PACSIN2: variants seen among roughly 807,000 people sequenced by gnomAD.
The protein encoded by PACSIN2 is protein kinase C and casein kinase substrate in neurons protein 2.
PACSIN2 carries 25 observed loss-of-function variants against 63.8 expected under a neutral mutation model. The observed-to-expected ratio is 0.39, with a 90% CI of 0.29 to 0.55. PACSIN2 has a LOEUF of 0.55. Ranked by LOEUF, PACSIN2 falls within the 20% of genes least tolerant of loss-of-function variation. The probability of loss-of-function intolerance (pLI) is 0.62; values close to 1 mark genes in which losing one functional copy is unlikely to be tolerated. For synonymous variants in PACSIN2, 255 were observed against 256.2 expected, an observed-to-expected ratio of 1.00 and a Z score of 0.05; for missense variants, 518 against 646.9, an observed-to-expected ratio of 0.80 and a Z score of 2.16.
intron 1 of PACSIN2, among the ~76,000 whole-genome samples, chr22:42,952,515 C>T (rs560133223): frequency 1.3e-5 from 2 of 151,462 alleles, no homozygotes; most frequent in African/African-American, 2.4e-5. Flanking sequence ...CGCACCACCA[C>T]GCCTGGCTAA....
At chr22:42,992,505 T>C (rs1478247286) in intron 1 of PACSIN2, among the ~76,000 whole-genome samples, 1 of 152,176 alleles carries the variant, frequency 6.6e-6, no homozygotes, top group Non-Finnish European at 1.5e-5. Context: ...CCCAACACTT[T>C]AGAAGACTGA....
intron 1 of PACSIN2, among the ~76,000 whole-genome samples, chr22:43,004,710 A>T (rs994544502): frequency 6.6e-6 from 1 of 152,266 alleles, no homozygotes; most frequent in African/African-American, 2.4e-5. Context: ...TACATTAAGA[A>T]GATTTCATTT....
At chr22:42,912,383 GCA>G (rs1400959411) in intron 1 of PACSIN2, among the ~76,000 whole-genome samples, 2 of 152,184 alleles carry the variant, frequency 1.3e-5, no homozygotes, top group Non-Finnish European at 2.9e-5. Flanking sequence ...GGGTGCATGT[GCA>G]TAAAAGGCAG....
rs1437575377 is a variant in PACSIN2 at position 42,981,834 on chromosome 22, C to T, written c.-78+33187G>A. On this transcript the variant is annotated intron_variant, in intron 1 of 10. Coordinates refer to ENST00000263246, the MANE Select transcript of PACSIN2 (RefSeq NM_001184970.3). ...GTCCGGGAGGGAGGTGGGGGGTCAGCCCCCCGCCCGGCCAGCCGCCCCGTC... is the reference window on the plus strand; with the variant it reads ...GTCCGGGAGGGAGGTGGGGGGTCAGTCCCCCGCCCGGCCAGCCGCCCCGTC... 8.1e-5 allele frequency among the ~76,000 whole-genome samples: 10 copies of T among 124,212 alleles called. No individual in the cohort carries two copies. The South Asian group carries it at 1.1e-3, about 14-fold the overall frequency. The allele number at this position is 124,212 out of a possible 152,430, so 81.5% of individuals were successfully genotyped here. A position where few individuals can be genotyped will look rare whatever the true frequency, so the allele number is the denominator to read the frequency against.
At chr22:42,892,214 G>A (rs1171783175) in intron 3 of PACSIN2, among the ~76,000 whole-genome samples, 5 of 152,156 alleles carry the variant, frequency 3.3e-5, no homozygotes. Flanking sequence ...GAGGGAGGGA[G>A]AGCCACAACG....
At chr22:42,906,019 C>T (rs2146707472) in intron 2 of PACSIN2, among the ~76,000 whole-genome samples, 1 of 152,340 alleles carries the variant, frequency 6.6e-6, no homozygotes, top group East Asian at 1.9e-4. Context: ...GCAACACCAG[C>T]CAAGCAACAC....
chr22:42,920,540 C>T (rs75676970), intron 1 of PACSIN2, among the ~76,000 whole-genome samples: 1,607 of 152,252 alleles, frequency 0.011, 29 homozygotes, highest in African/African-American at 0.036. Flanking sequence ...GCAAACATAC[C>T]TCCTTCTCCT....
At chr22:42,973,546 T>C (rs1282662017) in intron 1 of PACSIN2, among the ~76,000 whole-genome samples, 6 of 152,264 alleles carry the variant, frequency 3.9e-5, no homozygotes, top group Non-Finnish European at 8.8e-5. Context: ...ACTCTACATA[T>C]ACACTTTGGA....
At chr22:42,931,594 C>G (rs1207021925) in intron 1 of PACSIN2, among the ~76,000 whole-genome samples, 1 of 152,128 alleles carries the variant, frequency 6.6e-6, no homozygotes, top group Non-Finnish European at 1.5e-5. Context: ...ACAGGAACAG[C>G]GAGGAAGGAA....
chr22:42,879,265 C>T (rs1194231050), intron 7 of PACSIN2, 96 bp from the exon 8 acceptor site: 4 of 1,347,880 alleles, frequency 3.0e-6, no homozygotes, highest in Non-Finnish European at 4.1e-6. Context: ...CTGCAGTTGG[C>T]TCTGTGCATC....
chr22:42,914,767 C>T (rs1377456535), intron 1 of PACSIN2, among the ~76,000 whole-genome samples: 1 of 152,224 alleles, frequency 6.6e-6, no homozygotes, highest in Non-Finnish European at 1.5e-5. Context: ...TGAGAGGCAG[C>T]TTGACACCTG....
At chr22:42,896,591 G>A (rs963193450) in intron 2 of PACSIN2, among the ~76,000 whole-genome samples, 3 of 152,180 alleles carry the variant, frequency 2.0e-5, no homozygotes, top group African/African-American at 7.2e-5. Context: ...AAGCTATAAC[G>A]TTCATCTATT....
At chr22:42,974,580 C>T (rs1921551212) in intron 1 of PACSIN2, among the ~76,000 whole-genome samples, 1 of 151,846 alleles carries the variant, frequency 6.6e-6, no homozygotes, top group Admixed American at 6.6e-5. Context: ...GAAACCCTGC[C>T]TCTATTAAAA....
chr22:42,876,450 G>A (rs569859919), intron 9 of PACSIN2, 117 bp from the exon 10 acceptor site: 2 of 792,960 alleles, frequency 2.5e-6, no homozygotes, highest in African/African-American at 1.7e-5. Flanking sequence ...GGCTCCTTCC[G>A]AAGGAGCACA....
intron 1 of PACSIN2, among the ~76,000 whole-genome samples, chr22:42,938,506 G>C (rs1389262283): frequency 2.0e-5 from 3 of 152,222 alleles, no homozygotes; most frequent in African/African-American, 7.2e-5. Flanking sequence ...GAAGCAGGTA[G>C]GGAATCTTTT....
intron 1 of PACSIN2, among the ~76,000 whole-genome samples, chr22:43,008,758 A>G (rs1569375617): frequency 1.3e-5 from 2 of 152,230 alleles, no homozygotes; most frequent in Non-Finnish European, 2.9e-5. Context: ...GGGGCCTCCT[A>G]GACTGCAGAA....
At chr22:42,984,751 A>T (rs562497266) in intron 1 of PACSIN2, among the ~76,000 whole-genome samples, 1 of 152,260 alleles carries the variant, frequency 6.6e-6, no homozygotes, top group Non-Finnish European at 1.5e-5. Flanking sequence ...CACTTACAAG[A>T]TTATCTTAAC....
At chr22:42,978,801 G>C (rs1883314) in intron 1 of PACSIN2, among the ~76,000 whole-genome samples, 86,716 of 151,974 alleles carry the variant, frequency 0.57, 25,152 homozygotes, top group East Asian at 0.78. Context: ...TTCCAAAAAG[G>C]CTGGTCCCTG....
chr22:42,919,151 G>A (rs577405360), intron 1 of PACSIN2, among the ~76,000 whole-genome samples: 2 of 152,112 alleles, frequency 1.3e-5, no homozygotes, highest in African/African-American at 2.4e-5. Context: ...TAATTAATTG[G>A]GGGCTTCTCA....
Sources: gnomAD v4.1 joint callset for allele counts (sites outside exome capture counted in the v4.1 genomes callset) on GRCh38, gnomAD v4.1.1 for gene constraint, MANE v1.5 for transcripts, NCBI Gene and HGNC (gene_info 2026-07-23, HGNC 2026-07-21) for gene names.